The following WRN variants were observed in gnomAD, a reference collection of about 807,000 sequenced individuals.
WRN encodes the protein WRN RecQ like helicase, also known as bifunctional 3'-5' exonuclease/ATP-dependent helicase WRN.
In WRN, 149 loss-of-function variants were observed where a neutral mutation model predicts 180.7. The ratio of observed to expected loss-of-function variants is 0.82; its 90% CI spans 0.72 to 0.94. The LOEUF is 0.94. Among genes scored for constraint, WRN ranks in the 40% least tolerant of loss-of-function variants. The pLI, the probability that WRN is intolerant of heterozygous loss-of-function variation, is 0.00. For synonymous variants in WRN, 548 were observed against 568.9 expected, an observed-to-expected ratio of 0.96 and a Z score of 0.52; for missense variants, 1,661 against 1,700.1, an observed-to-expected ratio of 0.98 and a Z score of 0.40.
rs78706242 is a variant in WRN at position 31,041,187 on chromosome 8, G to A, written c.-77+7214G>A. On this transcript the variant is annotated intron_variant, in intron 1 of 34. Transcript: ENST00000298139. ...AAGATCTGCCAGGAGACATACCCAC[G>A]GGAGCTAATGGTATAGTTCCAGGCC... Among the ~76,000 whole-genome samples, 1,414 of 152,216 alleles carry A rather than the reference G, an allele frequency of 9.3e-3. 26 individuals are homozygous for A. The highest frequency in any genetic ancestry group is 0.072 in the East Asian group (373 of 5,178).
Position 31,083,751 on chromosome 8 carries a change from A to G in WRN, c.1322A>G (p.Asp441Gly). The change falls in exon 10 of 35, where the codon GAT becomes GGT. Residue 441 changes from aspartate (D) to glycine (G), a missense_variant. Asp to Gly is a moderately conservative substitution (Grantham distance 94). This residue lies in a region of WRN where 20 missense variants were observed against 46.7 expected (regional missense o/e 0.43). Transcript: ENST00000298139. ...ENDTSYVIESDEDLEMEMLKH... is the reference protein window; with the variant it reads ...ENDTSYVIESGEDLEMEMLKH... Reference sequence around the variant, plus strand: ...GATACGTCCTATGTAATTGAGAGTGATGAAGATTTAGAAATGGAGATGCTT... The same window carrying G: ...GATACGTCCTATGTAATTGAGAGTGGTGAAGATTTAGAAATGGAGATGCTT... The G allele has an allele frequency of 6.2e-7, 1 of 1,608,654 alleles. No individual in the cohort carries two copies. Among genetic ancestry groups the G allele is most frequent in the Non-Finnish European group, 8.5e-7 (1 of 1,175,510 alleles).
At chr8:31,079,881 CT>C (rs112314448) in intron 8 of WRN, among the ~76,000 whole-genome samples, 73 of 147,142 alleles carry the variant, frequency 5.0e-4, no homozygotes, top group African/African-American at 7.4e-4. Context: ...AATTTTCTTT[CT>C]TTTTTTTTTT....
chr8:31,111,012 C>T (rs956673412), intron 18 of WRN, among the ~76,000 whole-genome samples: 2 of 152,126 alleles, frequency 1.3e-5, no homozygotes, highest in African/African-American at 4.8e-5. Flanking sequence ...TGCTAGCAAT[C>T]AATTAATAAT....
At chr8:31,130,820 A>G (rs1466908176) in intron 23 of WRN, among the ~76,000 whole-genome samples, 1 of 152,198 alleles carries the variant, frequency 6.6e-6, no homozygotes, top group Non-Finnish European at 1.5e-5. Context: ...AAAATTCTCT[A>G]ATTGAACAAG....
intron 20 of WRN, among the ~76,000 whole-genome samples, chr8:31,117,186 G>A (rs963121951): frequency 7.2e-5 from 11 of 152,090 alleles, no homozygotes; most frequent in Non-Finnish European, 1.5e-4. Flanking sequence ...TAGGTAAAAC[G>A]GATTAAAGTA....
Position 31,149,471 on chromosome 8 carries a change from T to TG in WRN, c.3573-870_3573-869insG, listed in dbSNP as rs1342009598. Among the ~76,000 whole-genome samples the TG allele has an allele frequency of 5.5e-4, 43 of 77,782 alleles. 1 individual carries two copies. The highest frequency in any genetic ancestry group is 3.1e-3 in the East Asian group (7 of 2,288). 51.0% of individuals were successfully genotyped at this position (77,782 alleles called of 152,430 possible). On this transcript the variant is annotated intron_variant, in intron 30 of 34. Transcript: ENST00000298139. The stretch of plus-strand genomic sequence containing the variant: ...AATAGAGGTGTTTTTTTTTTTTTTT[T>TG]TTTTTTTTTTTTTTTTTTTTGGTGA...
chr8:31,104,151 G>C (rs576127351), intron 18 of WRN, among the ~76,000 whole-genome samples: 1 of 152,192 alleles, frequency 6.6e-6, no homozygotes, highest in Non-Finnish European at 1.5e-5. Context: ...TCACAAACCT[G>C]TTTTCCAAAG....
At chr8:31,102,030 A>T (rs1284282509) in intron 18 of WRN, among the ~76,000 whole-genome samples, 1 of 152,096 alleles carries the variant, frequency 6.6e-6, no homozygotes, top group Non-Finnish European at 1.5e-5. Context: ...AAAACTAGGA[A>T]TATGACATTT....
chr8:31,057,295 G>C (rs1189855796), intron 1 of WRN, among the ~76,000 whole-genome samples: 1 of 152,116 alleles, frequency 6.6e-6, no homozygotes, highest in Non-Finnish European at 1.5e-5. Flanking sequence ...GGCCGGGCGT[G>C]GTGGCTCATG....
Position 31,095,995 on chromosome 8 carries a change from C to T in WRN, c.1899-773C>T, listed in dbSNP as rs566841967. Reference sequence around the variant, plus strand: ...GATAGTTATTGTCACCGTTTTATACCGAAGAAACTAGGCATACTAAAGTAA... The same window carrying T: ...GATAGTTATTGTCACCGTTTTATACTGAAGAAACTAGGCATACTAAAGTAA... On this transcript the variant is annotated intron_variant, in intron 16 of 34. Coordinates refer to ENST00000298139, the MANE Select transcript of WRN (RefSeq NM_000553.6). Among the ~76,000 whole-genome samples the T allele has an allele frequency of 7.9e-5, 12 of 152,188 alleles. No individual in the cohort carries two copies. In the South Asian group the frequency reaches 1.7e-3, roughly 21 times the overall value.
At chr8:31,136,874 C>T (rs755200980) in intron 24 of WRN, among the ~76,000 whole-genome samples, 2 of 139,726 alleles carry the variant, frequency 1.4e-5, no homozygotes, top group Non-Finnish European at 3.1e-5. Flanking sequence ...TGAATGAATG[C>T]CCAAATCCGT....
In WRN at chr8:31,074,195, G is replaced by A. The variant is rs577904569; in HGVS notation, c.725-1978G>A. ...CCGCCTCGGCCTCCCAAAGTGCTGG[G>A]ATTACAGGTGTGAGCCACCGCGCCC... On this transcript the variant is annotated intron_variant, in intron 7 of 34. Coordinates refer to ENST00000298139, the MANE Select transcript of WRN (RefSeq NM_000553.6). Among the ~76,000 whole-genome samples the A allele has an allele frequency of 4.9e-4, 75 of 152,104 alleles. 1 individual carries two copies. The South Asian group carries it at 0.015, about 31-fold the overall frequency.
chr8:31,092,588 C>T (rs953877267), intron 16 of WRN, among the ~76,000 whole-genome samples: 3 of 151,860 alleles, frequency 2.0e-5, no homozygotes, highest in African/African-American at 7.3e-5. Flanking sequence ...AACACCCCTG[C>T]CCATTAAGCA....
In WRN at chr8:31,040,199, C is replaced by T. The variant is rs539855749; in HGVS notation, c.-77+6226C>T. Reference sequence around the variant, plus strand: ...GTGACTTACTAAGATGGGAAATATACAAAAGGAGCAGTTTGGGGAAACTTT... The same window carrying T: ...GTGACTTACTAAGATGGGAAATATATAAAAGGAGCAGTTTGGGGAAACTTT... On this transcript the variant is annotated intron_variant, in intron 1 of 34. Coordinates refer to ENST00000298139, the MANE Select transcript of WRN (RefSeq NM_000553.6). Among the ~76,000 whole-genome samples the T allele has an allele frequency of 2.6e-5, 4 of 152,242 alleles. No homozygotes were observed. In the Middle Eastern group the frequency reaches 0.01, roughly 388 times the overall value.
intron 19 of WRN, among the ~76,000 whole-genome samples, chr8:31,114,516 CT>C (rs1801436863): frequency 6.6e-6 from 1 of 151,960 alleles, no homozygotes. Flanking sequence ...TATTTTCCAC[CT>C]TTTTTAAAAA....
Position 31,080,956 on chromosome 8 carries a change from G to A in WRN, c.929G>A (p.Arg310Lys). The A allele has an allele frequency of 6.2e-7, 1 of 1,613,858 alleles. No homozygotes were observed. Among genetic ancestry groups the A allele is most frequent in the Non-Finnish European group, 8.5e-7 (1 of 1,179,886 alleles). Residue 310 changes from arginine to lysine, a missense_variant, in exon 9 of 35, where the codon AGG becomes AAG. This residue lies in a region of WRN where 500 missense variants were observed against 504.1 expected (regional missense o/e 0.99). Transcript: ENST00000298139. Reference sequence around the variant, plus strand: ...TCTACTAACATTGAGACTGAACTGAGGCCCAGCAATAATTTAAACTTATTA... The same window carrying A: ...TCTACTAACATTGAGACTGAACTGAAGCCCAGCAATAATTTAAACTTATTA... ...IGSTNIETEL[R>K]PSNNLNLLSF...
At chr8:31,036,790 T>C in intron 1 of WRN, among the ~76,000 whole-genome samples, 1 of 152,234 alleles carries the variant, frequency 6.6e-6, no homozygotes, top group African/African-American at 2.4e-5. Context: ...TTTGCAAATA[T>C]TTTATCCGAT....
chr8:31,121,036 T>C (rs1801706665), intron 21 of WRN, among the ~76,000 whole-genome samples: 1 of 152,034 alleles, frequency 6.6e-6, no homozygotes, highest in Non-Finnish European at 1.5e-5. Flanking sequence ...AGAACCTTTC[T>C]ACTTAAGTAC....
rs1804199323 is a variant in WRN, at chr8:31,174,218, T to C, written c.*1116T>C. The stretch of plus-strand genomic sequence containing the variant: ...AGTGGCGCCTATTAAATATGTGATA[T>C]GTTGTTGTCCAGCCATGGCTTCTGC... On this transcript the variant is annotated 3_prime_UTR_variant, in exon 35 of 35. Coordinates refer to ENST00000298139, the MANE Select transcript of WRN (RefSeq NM_000553.6). Among the ~76,000 whole-genome samples, 1 of 152,198 alleles carries C rather than the reference T, an allele frequency of 6.6e-6. No individual in the cohort carries two copies.
Sources: allele counts gnomAD v4.1 joint callset (sites outside exome capture counted in the v4.1 genomes callset), GRCh38; gene constraint gnomAD v4.1.1; regional missense constraint gnomAD v4.1.1; transcripts MANE v1.5; gene names NCBI Gene and HGNC (gene_info 2026-07-23, HGNC 2026-07-21).